Variants in SYK observed in about 807,000 individuals in gnomAD.
SYK encodes spleen associated tyrosine kinase.
SYK carries 16 observed loss-of-function variants against 77.8 expected under a neutral mutation model. That is an observed-to-expected ratio of 0.21 (90% CI 0.14 to 0.31). The LOEUF is 0.31. Among genes scored for constraint, SYK ranks in the 10% least tolerant of loss-of-function variants. The pLI, the probability that SYK is intolerant of heterozygous loss-of-function variation, is 1.00. For synonymous variants in SYK, 312 were observed against 308.7 expected (o/e 1.01, Z -0.11); for missense variants, 529 against 814.4 (o/e 0.65, Z 4.26).
chr9:90,896,987 A>G lies in SYK; in HGVS notation c.*1387A>G, dbSNP rs1829015046. On this transcript the variant is annotated 3_prime_UTR_variant, in exon 14 of 14. Transcript: ENST00000375754. Reference sequence around the variant, plus strand: ...GGTCGCAGTGAGCCAAGATCATGCCACTGCACTCCAGCTTGGGCATCACAG... The same window carrying G: ...GGTCGCAGTGAGCCAAGATCATGCCGCTGCACTCCAGCTTGGGCATCACAG... The G allele has an allele frequency of 9.8e-6, 2 of 203,810 alleles. No individual in the cohort carries two copies. The highest frequency in any genetic ancestry group is 1.0e-5 in the Non-Finnish European group (1 of 99,488). The allele number at this position is 203,810 out of a possible 1,614,324, so 12.6% of individuals were successfully genotyped here. A position where few individuals can be genotyped will look rare whatever the true frequency, so the allele number is the denominator to read the frequency against.
intron 7 of SYK, among the ~76,000 whole-genome samples, chr9:90,867,562 G>C (rs1036953359): frequency 7.9e-5 from 12 of 152,202 alleles, no homozygotes; most frequent in Non-Finnish European, 1.2e-4. Flanking sequence ...CTCACGTGTT[G>C]CAGTGTTCTG....
chr9:90,884,400 CATATGTGTATATAT>C (rs1828347320), intron 11 of SYK, among the ~76,000 whole-genome samples: 2 of 57,670 alleles, frequency 3.5e-5, no homozygotes, highest in Admixed American at 1.5e-4. Flanking sequence ...CATACATACA[CATATGTGTATATAT>C]ACATACATAT....
chr9:90,809,814 C>T (rs1024422682), intron 1 of SYK, among the ~76,000 whole-genome samples: 7 of 152,124 alleles, frequency 4.6e-5, no homozygotes, highest in African/African-American at 1.2e-4. Flanking sequence ...TGTCCCCCTA[C>T]GGGGCAGAAC....
chr9:90,862,437 C>T (rs765223510), intron 4 of SYK, 93 bp downstream of exon 4: 30 of 1,422,702 alleles, frequency 2.1e-5, no homozygotes, highest in Non-Finnish European at 2.7e-5. Context: ...GGAACTGGAC[C>T]ACCCACTGCC....
At chr9:90,862,586 G>T (rs975208413) in intron 4 of SYK, among the ~76,000 whole-genome samples, 1 of 152,176 alleles carries the variant, frequency 6.6e-6, no homozygotes, top group Non-Finnish European at 1.5e-5. Context: ...GAGAAGCACT[G>T]GTCCAGAGGC....
chr9:90,805,584 C>T (rs1824796257), intron 1 of SYK, among the ~76,000 whole-genome samples: 3 of 152,206 alleles, frequency 2.0e-5, no homozygotes, highest in Admixed American at 2.0e-4. Context: ...GTATACTCTG[C>T]CTGACTATAA....
intron 1 of SYK, among the ~76,000 whole-genome samples, chr9:90,815,716 T>C (rs1294495143): frequency 1.3e-5 from 2 of 152,254 alleles, no homozygotes; most frequent in African/African-American, 2.4e-5. Context: ...AATGTTTTCC[T>C]GAATGATGCT....
chr9:90,826,631 T>C (rs567161055), intron 1 of SYK, among the ~76,000 whole-genome samples: 18 of 152,324 alleles, frequency 1.2e-4, no homozygotes, highest in Admixed American at 1.2e-3. Flanking sequence ...CTGGAGAGGG[T>C]TCCTTTTTAT....
intron 1 of SYK, among the ~76,000 whole-genome samples, chr9:90,841,537 T>TG (rs199668251): frequency 0.34 from 47,412 of 141,078 alleles, 7,395 homozygotes; most frequent in South Asian, 0.4. Context: ...GCATGTAGTA[T>TG]GGGGGTGTAT....
intron 1 of SYK, among the ~76,000 whole-genome samples, chr9:90,805,457 G>T (rs1051363499): frequency 6.6e-6 from 1 of 152,222 alleles, no homozygotes; most frequent in Non-Finnish European, 1.5e-5. Flanking sequence ...ACCGAGCAGG[G>T]TGAGGGAGGC....
chr9:90,880,791 C>T (rs1293158715), intron 11 of SYK, among the ~76,000 whole-genome samples: 2 of 152,212 alleles, frequency 1.3e-5, no homozygotes, highest in South Asian at 2.1e-4. Flanking sequence ...CACAGTGGCC[C>T]GAGGGACAGG....
chr9:90,848,987 C>T (rs947424854), intron 3 of SYK, among the ~76,000 whole-genome samples: 35 of 152,214 alleles, frequency 2.3e-4, no homozygotes, highest in African/African-American at 8.2e-4. Context: ...TGCCCTGTGG[C>T]AGGAGCGTGC....
chr9:90,808,459 T>TA (rs1201776293), intron 1 of SYK, among the ~76,000 whole-genome samples: 3 of 110,928 alleles, frequency 2.7e-5, no homozygotes, highest in Non-Finnish European at 5.8e-5. Flanking sequence ...ACGTGTGTGT[T>TA]GGTTTTTTTT....
intron 1 of SYK, among the ~76,000 whole-genome samples, chr9:90,821,715 ATAAG>A (rs1424998140): frequency 6.6e-6 from 1 of 152,170 alleles, no homozygotes; most frequent in African/African-American, 2.4e-5. Context: ...ACCTCATATT[ATAAG>A]TAAGTGTCTT....
chr9:90,829,717 A>T (rs1247694190), intron 1 of SYK, among the ~76,000 whole-genome samples: 1 of 152,240 alleles, frequency 6.6e-6, no homozygotes, highest in African/African-American at 2.4e-5. Flanking sequence ...CTCAACAAGC[A>T]TATTGAATGA....
intron 3 of SYK, among the ~76,000 whole-genome samples, chr9:90,850,541 A>G (rs940330530): frequency 4.6e-5 from 7 of 151,886 alleles, no homozygotes; most frequent in Admixed American, 4.6e-4. Context: ...TATTATTATT[A>G]TTATTTCACA....
intron 8 of SYK, 107 bp downstream of exon 8, chr9:90,874,398 C>A: frequency 1.7e-6 from 2 of 1,153,960 alleles, no homozygotes; most frequent in African/African-American, 1.5e-5. Context: ...GATTGCAATA[C>A]AGCCACAGTT....
At chr9:90,888,704 GA>G in intron 13 of SYK, 77 bp downstream of exon 13, 3 of 1,129,358 alleles carry the variant, frequency 2.7e-6, no homozygotes, top group Non-Finnish European at 3.7e-6. Flanking sequence ...TAAAAAAAAG[GA>G]TAAAGTTCAC....
intron 1 of SYK, among the ~76,000 whole-genome samples, chr9:90,809,087 T>C (rs1184156351): frequency 6.6e-6 from 1 of 152,220 alleles, no homozygotes; most frequent in East Asian, 1.9e-4. Context: ...TGGTCATGGC[T>C]ACGTGAAGGA....
Sources: gnomAD v4.1 joint callset for allele counts (sites outside exome capture counted in the v4.1 genomes callset) on GRCh38, gnomAD v4.1.1 for gene constraint, MANE v1.5 for transcripts, NCBI Gene and HGNC (gene_info 2026-07-23, HGNC 2026-07-21) for gene names.